NMT2: variants seen among roughly 807,000 people sequenced by gnomAD.
The protein encoded by NMT2 is N-myristoyltransferase 2, also known as glycylpeptide N-tetradecanoyltransferase 2.
NMT2 carries 35 observed loss-of-function variants against 65.4 expected under a neutral mutation model. That is an observed-to-expected ratio of 0.54 (90% CI 0.41 to 0.71). NMT2 has a LOEUF of 0.71. Ranked by LOEUF, NMT2 falls within the 30% of genes least tolerant of loss-of-function variation. The probability of loss-of-function intolerance (pLI) is 0.00; values close to 1 mark genes in which losing one functional copy is unlikely to be tolerated. For synonymous variants in NMT2, 226 were observed against 231.8 expected (o/e 0.98, Z 0.23); for missense variants, 489 against 611.3 (o/e 0.80, Z 2.11).
chr10:15,109,365 AG>A (rs1296641767), intron 11 of NMT2, 150 bp from the exon 12 acceptor site: 11 of 913,226 alleles, frequency 1.2e-5, no homozygotes, highest in Non-Finnish European at 1.8e-5. Flanking sequence ...ACCTGAGGTC[AG>A]GAGTTTGAGA....
At chr10:15,126,000 CA>C (rs1216794547) in intron 8 of NMT2, among the ~76,000 whole-genome samples, 1 of 151,938 alleles carries the variant, frequency 6.6e-6, no homozygotes, top group Non-Finnish European at 1.5e-5. Context: ...CACAACACTT[CA>C]AACAAAAGAT....
At chr10:15,133,003 C>A (rs1240506642) in intron 5 of NMT2, 50 bp downstream of exon 5, 2 of 1,595,506 alleles carry the variant, frequency 1.3e-6, no homozygotes, top group Non-Finnish European at 8.6e-7. Flanking sequence ...ACGCAGGAGT[C>A]CCCAAGTCAG....
intron 6 of NMT2, among the ~76,000 whole-genome samples, chr10:15,131,484 A>G (rs1376371046): frequency 2.0e-5 from 3 of 152,030 alleles, no homozygotes; most frequent in Non-Finnish European, 2.9e-5. Flanking sequence ...TTCCTAAATT[A>G]TGGTAATAAC....
At chr10:15,156,042 T>G (rs780464016) in intron 1 of NMT2, among the ~76,000 whole-genome samples, 63 of 152,168 alleles carry the variant, frequency 4.1e-4, no homozygotes, top group Non-Finnish European at 7.1e-4. Flanking sequence ...AATTTTCCAT[T>G]GAATATTTTT....
chr10:15,146,793 A>G (rs991832885), intron 1 of NMT2, among the ~76,000 whole-genome samples: 1 of 152,068 alleles, frequency 6.6e-6, no homozygotes, highest in Non-Finnish European at 1.5e-5. Flanking sequence ...TAACACATCA[A>G]TCTTAAGAGT....
chr10:15,154,669 T>C (rs1832927181), intron 1 of NMT2: 1 of 429,870 alleles, frequency 2.3e-6, no homozygotes, highest in African/African-American at 2.0e-5. Context: ...AAGGAAAACA[T>C]GGAACCCAAA....
chr10:15,123,541 A>G (rs1187907222), intron 8 of NMT2, among the ~76,000 whole-genome samples: 1 of 150,808 alleles, frequency 6.6e-6, no homozygotes, highest in East Asian at 1.9e-4. Flanking sequence ...GAAAAAAAAA[A>G]AAAAAAAAAA....
At chr10:15,165,124 T>C (rs1003247267) in intron 1 of NMT2, among the ~76,000 whole-genome samples, 18 of 151,050 alleles carry the variant, frequency 1.2e-4, no homozygotes, top group African/African-American at 4.4e-4. Context: ...GATCGTACTA[T>C]TGCACTCCAG....
intron 1 of NMT2, among the ~76,000 whole-genome samples, chr10:15,145,876 A>G (rs530161813): frequency 5.9e-5 from 9 of 152,312 alleles, no homozygotes; most frequent in East Asian, 1.9e-4. Context: ...AGGGAGACGC[A>G]TGACAGAAAG....
At chr10:15,131,279 A>T (rs1268932312) in intron 6 of NMT2, among the ~76,000 whole-genome samples, 1 of 151,806 alleles carries the variant, frequency 6.6e-6, no homozygotes, top group Non-Finnish European at 1.5e-5. Context: ...CAGTTTAGAA[A>T]ATGGATCAGC....
chr10:15,142,246 T>A (rs1431108039), intron 1 of NMT2, among the ~76,000 whole-genome samples: 1 of 152,176 alleles, frequency 6.6e-6, no homozygotes, highest in East Asian at 1.9e-4. Context: ...TGTGCAATAG[T>A]GAGAGAAACT....
At chr10:15,111,737 A>G (rs1394037849) in intron 10 of NMT2, 1 of 151,970 alleles carries the variant, frequency 6.6e-6, no homozygotes, top group Admixed American at 6.6e-5. Context: ...AGTGTTGAAA[A>G]AAAGCAGACA....
rs200879621 is a variant in NMT2, at chr10:15,151,059, C to CTTTTTTT, written c.111-9509_111-9503dup. The stretch of plus-strand genomic sequence containing the variant: ...TATATTCTATCTCATTAGCTTCCTC[C>CTTTTTTT]TTTTTTTTTTTTTTTGGAGACGGAG... On this transcript the variant is annotated intron_variant, in intron 1 of 11. Coordinates refer to ENST00000378165, the MANE Select transcript of NMT2 (RefSeq NM_004808.3). Among the ~76,000 whole-genome samples, 39 of 139,884 alleles carry CTTTTTTT rather than the reference C, an allele frequency of 2.8e-4. 1 individual carries two copies. Among genetic ancestry groups the CTTTTTTT allele is most frequent in the African/African-American group, 5.9e-4 (22 of 37,356 alleles). The allele number at this position is 139,884 out of a possible 152,430, so 91.8% of individuals were successfully genotyped here. A position where few individuals can be genotyped will look rare whatever the true frequency, so the allele number is the denominator to read the frequency against.
chr10:15,138,647 A>C (rs1043541566), intron 2 of NMT2, among the ~76,000 whole-genome samples: 11 of 152,310 alleles, frequency 7.2e-5, no homozygotes, highest in African/African-American at 2.2e-4. Context: ...AAGTTTTATA[A>C]CACTAAGAAG....
intron 1 of NMT2, among the ~76,000 whole-genome samples, chr10:15,159,986 A>G (rs1197111424): frequency 1.3e-5 from 2 of 152,182 alleles, no homozygotes; most frequent in African/African-American, 4.8e-5. Context: ...CTTTGGTCAT[A>G]GTGGCTGCGG....
chr10:15,120,856 G>A (rs538355159), intron 8 of NMT2, among the ~76,000 whole-genome samples: 97 of 152,280 alleles, frequency 6.4e-4, no homozygotes, highest in African/African-American at 2.3e-3. Flanking sequence ...TGCCAGGGAC[G>A]CGGCCTGGCC....
At chr10:15,125,949 G>A (rs533607663) in intron 8 of NMT2, among the ~76,000 whole-genome samples, 2 of 152,070 alleles carry the variant, frequency 1.3e-5, no homozygotes, top group South Asian at 2.1e-4. Context: ...ACAGGTGTGA[G>A]CCACCGCGCC....
Position 15,162,928 on chromosome 10 carries a change from G to T in NMT2, c.110+5575C>A, listed in dbSNP as rs76092785. ...TATAAATATATACATATAAGAGAGA[G>T]ATATATATATATGTATATTTTTAGA... On this transcript the variant is annotated intron_variant, in intron 1 of 11. Coordinates refer to ENST00000378165, the MANE Select transcript of NMT2 (RefSeq NM_004808.3). 6.2e-3 allele frequency among the ~76,000 whole-genome samples: 924 copies of T among 149,506 alleles called. 9 individuals are homozygous for T. The highest frequency in any genetic ancestry group is 0.021 in the African/African-American group (845 of 40,888).
chr10:15,154,590 A>AT (rs1191994660), intron 1 of NMT2, among the ~76,000 whole-genome samples: 1 of 152,100 alleles, frequency 6.6e-6, no homozygotes, highest in Non-Finnish European at 1.5e-5. Flanking sequence ...GATTATTATT[A>AT]TTTTTTGTTA....
Sources: gnomAD v4.1 joint callset for allele counts (sites outside exome capture counted in the v4.1 genomes callset) on GRCh38, gnomAD v4.1.1 for gene constraint, MANE v1.5 for transcripts, NCBI Gene and HGNC (gene_info 2026-07-23, HGNC 2026-07-21) for gene names.